MEI4: variants seen among roughly 807,000 people sequenced by gnomAD.
MEI4 encodes the protein meiotic double-stranded break formation protein 4, also known as meiosis-specific protein MEI4.
In MEI4, 27 loss-of-function variants were observed where a neutral mutation model predicts 31.4. The observed-to-expected ratio is 0.86, with a 90% CI of 0.63 to 1.19. The LOEUF is 1.19. Ranked by LOEUF, MEI4 falls within the 50% of genes most tolerant of loss-of-function variation. The pLI, the probability that MEI4 is intolerant of heterozygous loss-of-function variation, is 0.00. For missense variants in MEI4, 329 were observed against 398.9 expected (o/e 0.82, Z 1.49); for synonymous variants, 122 against 145.4 (o/e 0.84, Z 1.16).
rs1477428705 is a variant in MEI4, at chr6:77,690,921, C to T, written c.232+18C>T. 1 of 1,183,072 alleles carries T rather than the reference C, an allele frequency of 8.5e-7. No individual in the cohort carries two copies. Among genetic ancestry groups the T allele is most frequent in the Non-Finnish European group, 1.1e-6 (1 of 943,496 alleles). 73.3% of individuals were successfully genotyped at this position (1,183,072 alleles called of 1,614,324 possible). A position where few individuals can be genotyped will look rare whatever the true frequency, so the allele number is the denominator to read the frequency against. On this transcript the variant is annotated intron_variant, in intron 2 of 4. Transcript: ENST00000684080. ...TAAGAGTGGTGAGTATATAAAATTG[C>T]CTTTTGGTAGTATGTCATACTTGTT...
chr6:77,746,426 C>T (rs1022556416), intron 2 of MEI4, among the ~76,000 whole-genome samples: 2 of 152,080 alleles, frequency 1.3e-5, no homozygotes, highest in Non-Finnish European at 2.9e-5. Flanking sequence ...GGGGGGACTC[C>T]TCTTGCTCGA....
At chr6:77,792,510 G>T (rs1033671714) in intron 3 of MEI4, among the ~76,000 whole-genome samples, 1 of 152,078 alleles carries the variant, frequency 6.6e-6, no homozygotes, top group East Asian at 1.9e-4. Flanking sequence ...TAAAAGGTGT[G>T]AGGTGACATC....
chr6:77,827,184 C>T (rs544923079), intron 3 of MEI4, among the ~76,000 whole-genome samples: 57 of 151,830 alleles, frequency 3.8e-4, no homozygotes, highest in African/African-American at 1.4e-3. Context: ...CACGGTGAAA[C>T]CCTGTCTCTA....
intron 2 of MEI4, among the ~76,000 whole-genome samples, chr6:77,692,501 C>T (rs1181204312): frequency 1.3e-5 from 2 of 151,938 alleles, no homozygotes; most frequent in African/African-American, 4.8e-5. Flanking sequence ...TGATTTGAGG[C>T]AGGGATACCA....
At chr6:77,679,175 G>A (rs984869899) in intron 1 of MEI4, among the ~76,000 whole-genome samples, 1 of 152,074 alleles carries the variant, frequency 6.6e-6, no homozygotes, top group Admixed American at 6.6e-5. Context: ...ATTTAGTGTA[G>A]CCTAAGTGTC....
intron 2 of MEI4, among the ~76,000 whole-genome samples, chr6:77,732,206 A>G (rs1412564112): frequency 1.3e-5 from 2 of 151,728 alleles, no homozygotes; most frequent in Admixed American, 6.6e-5. Flanking sequence ...TGAATCTGTA[A>G]ATTACCTTGG....
chr6:77,813,756 A>T (rs552903709), intron 3 of MEI4, among the ~76,000 whole-genome samples: 2 of 151,982 alleles, frequency 1.3e-5, no homozygotes, highest in Non-Finnish European at 2.9e-5. Flanking sequence ...TTAAAATATT[A>T]TTTTTTATTT....
At chr6:77,795,045 A>G (rs746133099) in intron 3 of MEI4, among the ~76,000 whole-genome samples, 1 of 152,160 alleles carries the variant, frequency 6.6e-6, no homozygotes, top group African/African-American at 2.4e-5. Context: ...GAAACACAAC[A>G]TAGCCTAGCT....
chr6:77,669,188 A>G lies in MEI4; in HGVS notation c.-15+16096A>G, dbSNP rs138548117. 3.9e-5 allele frequency among the ~76,000 whole-genome samples: 6 copies of G among 152,268 alleles called. No individual in the cohort carries two copies. In the East Asian group the frequency reaches 1.2e-3, roughly 29 times the overall value. ...AAATAAAAATATTCATTGGCTTTCT[A>G]GTTTAGCACCCTTATTTTGAAAGAG... On this transcript the variant is annotated intron_variant, in intron 1 of 4. Coordinates refer to ENST00000684080, the MANE Select transcript of MEI4 (RefSeq NM_001322247.2).
chr6:77,915,327 T>C (rs965402237), intron 4 of MEI4, among the ~76,000 whole-genome samples: 1 of 152,264 alleles, frequency 6.6e-6, no homozygotes, highest in Non-Finnish European at 1.5e-5. Flanking sequence ...GCCAGTCTAA[T>C]GGTGATGAGT....
chr6:77,796,095 C>A (rs559638360), intron 3 of MEI4, among the ~76,000 whole-genome samples: 1 of 152,236 alleles, frequency 6.6e-6, no homozygotes, highest in South Asian at 2.1e-4. Context: ...AGTATGATTT[C>A]ATTATAACCA....
rs144637927 is a variant in MEI4 at position 77,849,983 on chromosome 6, G to C, written c.900+20921G>C. Reference sequence around the variant, plus strand: ...TGGCAGAACGCGGTACAAATTAATAGCAATTTTATGTCTGTTTTATGTTAA... The same window carrying C: ...TGGCAGAACGCGGTACAAATTAATACCAATTTTATGTCTGTTTTATGTTAA... On this transcript the variant is annotated intron_variant, in intron 4 of 4. Transcript: ENST00000684080. Among the ~76,000 whole-genome samples the C allele has an allele frequency of 2.9e-3, 442 of 152,236 alleles. 12 individuals carry two copies. The highest frequency in any genetic ancestry group is 0.014 in the East Asian group (70 of 5,172).
At chr6:77,857,828 A>G (rs562026770) in intron 4 of MEI4, among the ~76,000 whole-genome samples, 3 of 152,298 alleles carry the variant, frequency 2.0e-5, no homozygotes, top group South Asian at 4.1e-4. Context: ...TGAAATGCAG[A>G]ATTTCTTCTA....
chr6:77,754,742 C>A (rs1767868303), intron 2 of MEI4, among the ~76,000 whole-genome samples: 1 of 152,134 alleles, frequency 6.6e-6, no homozygotes, highest in Admixed American at 6.6e-5. Flanking sequence ...CCTCAGGGAA[C>A]CCACAATCAT....
At chr6:77,870,019 A>G (rs1364759893) in intron 4 of MEI4, among the ~76,000 whole-genome samples, 1 of 152,052 alleles carries the variant, frequency 6.6e-6, no homozygotes, top group African/African-American at 2.4e-5. Flanking sequence ...TCACTGTCTT[A>G]TAGGGAGGCT....
At chr6:77,829,674 A>G (rs1239130005) in intron 4 of MEI4, among the ~76,000 whole-genome samples, 1 of 152,138 alleles carries the variant, frequency 6.6e-6, no homozygotes, top group Non-Finnish European at 1.5e-5. Context: ...AACATAAGTC[A>G]TTCCCATATT....
At chr6:77,842,850 T>C (rs1770397889) in intron 4 of MEI4, among the ~76,000 whole-genome samples, 1 of 152,010 alleles carries the variant, frequency 6.6e-6, no homozygotes, top group South Asian at 2.1e-4. Flanking sequence ...ATTTGGAAGA[T>C]ATAAGCTACC....
chr6:77,864,673 G>A (rs1222614931), intron 4 of MEI4, among the ~76,000 whole-genome samples: 4 of 152,132 alleles, frequency 2.6e-5, no homozygotes, highest in East Asian at 1.9e-4. Context: ...ACAGATCAAT[G>A]AGACAGAAAG....
intron 1 of MEI4, among the ~76,000 whole-genome samples, chr6:77,665,013 C>T (rs185645318): frequency 2.0e-5 from 3 of 150,982 alleles, no homozygotes; most frequent in Non-Finnish European, 2.9e-5. Flanking sequence ...GGAAGGTTGC[C>T]TGTAGTGAAG....
Sources: allele counts gnomAD v4.1 joint callset (sites outside exome capture counted in the v4.1 genomes callset), GRCh38; gene constraint gnomAD v4.1.1; transcripts MANE v1.5; gene names NCBI Gene and HGNC (gene_info 2026-07-23, HGNC 2026-07-21).